DUSP16: variants seen among roughly 807,000 people sequenced by gnomAD.
DUSP16 encodes dual specificity phosphatase 16, also known as dual specificity protein phosphatase 16.
DUSP16 carries 21 observed loss-of-function variants against 58.3 expected under a neutral mutation model. The observed-to-expected ratio is 0.36, with a 90% CI of 0.26 to 0.52. The LOEUF (loss-of-function observed/expected upper bound fraction) is 0.52, where lower values mean the gene tolerates loss of function less well. Among genes scored for constraint, DUSP16 ranks in the 20% least tolerant of loss-of-function variants. The pLI is 0.94. For missense variants in DUSP16, 726 were observed against 819.0 expected, an observed-to-expected ratio of 0.89 and a Z score of 1.39; for synonymous variants, 320 against 323.8, an observed-to-expected ratio of 0.99 and a Z score of 0.12.
intron 1 of DUSP16, among the ~76,000 whole-genome samples, chr12:12,524,816 G>A (rs1944281123): frequency 6.6e-6 from 1 of 151,560 alleles, no homozygotes; most frequent in Non-Finnish European, 1.5e-5. Context: ...TTCAAAAAAA[G>A]TCTAAAAATG....
chr12:12,486,935 CT>C lies in DUSP16; in HGVS notation c.691+92del, dbSNP rs1416544106. 2.0e-6 allele frequency: 3 copies of C among 1,472,724 alleles called. No individual in the cohort carries two copies. In the African/African-American group the frequency reaches 4.2e-5, roughly 21 times the overall value. The allele number at this position is 1,472,724 out of a possible 1,614,324, so 91.2% of individuals were successfully genotyped here. A position where few individuals can be genotyped will look rare whatever the true frequency, so the allele number is the denominator to read the frequency against. On this transcript the variant is annotated intron_variant, in intron 5 of 6. Transcript: ENST00000298573. ...CTTTTGAAATCTCTGAAATAGGCTC[CT>C]TTTCTCTAAAGAAAAAATGGGGGGC...
At chr12:12,541,504 G>A (rs547854382) in intron 1 of DUSP16, among the ~76,000 whole-genome samples, 535 of 152,306 alleles carry the variant, frequency 3.5e-3, no homozygotes, top group Non-Finnish European at 5.1e-3. Context: ...TTATTGGAAG[G>A]CCCAGTAAGG....
At chr12:12,542,407 A>G (rs1189275190) in intron 1 of DUSP16, among the ~76,000 whole-genome samples, 3 of 146,634 alleles carry the variant, frequency 2.0e-5, no homozygotes, top group Non-Finnish European at 3.0e-5. Flanking sequence ...AAAAAAAAAA[A>G]AAGAAATACC....
intron 3 of DUSP16, among the ~76,000 whole-genome samples, chr12:12,506,816 G>T (rs2136219095): frequency 6.6e-6 from 1 of 152,340 alleles, no homozygotes. Context: ...CCATGTTTCT[G>T]TTAGTCTTCC....
intron 5 of DUSP16, chr12:12,485,335 T>G (rs773345853): frequency 6.6e-6 from 1 of 152,164 alleles, no homozygotes; most frequent in Non-Finnish European, 1.5e-5. Flanking sequence ...TAATATGAAC[T>G]AAGTCATTTA....
intron 1 of DUSP16, among the ~76,000 whole-genome samples, chr12:12,546,387 T>C (rs75160736): frequency 0.014 from 2,070 of 152,342 alleles, 49 homozygotes; most frequent in African/African-American, 0.047. Flanking sequence ...CTACCAAATA[T>C]ATTTCAATCC....
At chr12:12,545,579 G>C (rs918876848) in intron 1 of DUSP16, among the ~76,000 whole-genome samples, 1 of 151,954 alleles carries the variant, frequency 6.6e-6, no homozygotes, top group Non-Finnish European at 1.5e-5. Context: ...AACACGCCTG[G>C]CCACTACATT....
rs1299872983 is a variant in DUSP16 at position 12,562,783 on chromosome 12, G to A, written c.-1032C>T. Among the ~76,000 whole-genome samples the A allele has an allele frequency of 2.0e-5, 3 of 151,400 alleles. No individual in the cohort carries two copies. The highest frequency in any genetic ancestry group is 3.0e-5 in the Non-Finnish European group (2 of 67,740). ...GCTCGCCCATCCCGCGGCCGCCCGA[G>A]CCCGGAGCGCGGCTCCGCGCCTCGT... On this transcript the variant is annotated 5_prime_UTR_variant, in exon 1 of 7. Coordinates refer to ENST00000298573, the MANE Select transcript of DUSP16 (RefSeq NM_030640.3).
chr12:12,559,161 AT>A (rs1944856807), intron 1 of DUSP16, among the ~76,000 whole-genome samples: 1 of 152,188 alleles, frequency 6.6e-6, no homozygotes, highest in South Asian at 2.1e-4. Flanking sequence ...GAAAAAAAAA[AT>A]TGACATCTGG....
intron 3 of DUSP16, among the ~76,000 whole-genome samples, chr12:12,510,665 T>C (rs1012370220): frequency 4.6e-5 from 7 of 152,232 alleles, no homozygotes; most frequent in Non-Finnish European, 8.8e-5. Flanking sequence ...GAGCCTTCTC[T>C]GGAGTTGACA....
chr12:12,510,705 T>C (rs1441183148), intron 3 of DUSP16, among the ~76,000 whole-genome samples: 1 of 152,154 alleles, frequency 6.6e-6, no homozygotes, highest in African/African-American at 2.4e-5. Flanking sequence ...AACCAAATAA[T>C]TAGATGAATA....
In DUSP16 at chr12:12,485,644, G is replaced by A. The variant is rs577211772; in HGVS notation, c.691+1384C>T. 2.0e-4 allele frequency among the ~76,000 whole-genome samples: 31 copies of A among 152,118 alleles called. 1 individual carries two copies. The highest frequency in any genetic ancestry group is 4.2e-4 in the South Asian group (2 of 4,818). ...TCCCACCTCAGCCTCCCGAGTAGGC[G>A]GGACCACAGGTGCACTGGTAGAGAC... is the stretch of plus-strand genomic sequence containing the variant. On this transcript the variant is annotated intron_variant, in intron 5 of 6. Transcript: ENST00000298573.
In DUSP16 at chr12:12,475,625, G is replaced by A. The variant is rs1220491036; in HGVS notation, c.*1208C>T. On this transcript the variant is annotated 3_prime_UTR_variant, in exon 7 of 7. Coordinates refer to ENST00000298573, the MANE Select transcript of DUSP16 (RefSeq NM_030640.3). The stretch of plus-strand genomic sequence containing the variant: ...CCTACTAGTAAATGTGAAAGTCTGA[G>A]GCAATCATAGAAACATCAGCCCCAT... 6.6e-6 allele frequency: 1 copy of A among 152,164 alleles called. No homozygotes were observed. The highest frequency in any genetic ancestry group is 2.4e-5 in the African/African-American group (1 of 41,428). 9.4% of individuals were successfully genotyped at this position (152,164 alleles called of 1,614,324 possible).
Position 12,478,027 on chromosome 12 carries a change from G to A in DUSP16, c.816-12C>T, listed in dbSNP as rs1402706267. On this transcript the variant is annotated splice_polypyrimidine_tract_variant and intron_variant, in intron 6 of 6. Coordinates refer to ENST00000298573, the MANE Select transcript of DUSP16 (RefSeq NM_030640.3). ...TTTCTTTCACAAATCTGCAGAGAGA[G>A]GAAAAAACAAAAACCCGAATTTTAC... 4 of 1,545,564 alleles carry A rather than the reference G, an allele frequency of 2.6e-6. No homozygotes were observed. The highest frequency in any genetic ancestry group is 2.3e-5 in the East Asian group (1 of 43,864).
intron 1 of DUSP16, among the ~76,000 whole-genome samples, chr12:12,526,491 T>G (rs944314787): frequency 6.6e-6 from 1 of 152,210 alleles, no homozygotes; most frequent in Non-Finnish European, 1.5e-5. Context: ...AAGTCTATTT[T>G]TATGTTAAAG....
chr12:12,507,888 C>T (rs1035571419), intron 3 of DUSP16, among the ~76,000 whole-genome samples: 6 of 152,364 alleles, frequency 3.9e-5, no homozygotes, highest in African/African-American at 4.8e-5. Flanking sequence ...GGATTACAGG[C>T]GTGAGCCACC....
At chr12:12,500,283 C>G (rs1565996954) in intron 4 of DUSP16, among the ~76,000 whole-genome samples, 1 of 152,148 alleles carries the variant, frequency 6.6e-6, no homozygotes, top group Non-Finnish European at 1.5e-5. Context: ...TTTCAGTTCT[C>G]TTGGACCTAT....
chr12:12,501,118 C>T (rs768104504), intron 3 of DUSP16, among the ~76,000 whole-genome samples: 1 of 152,112 alleles, frequency 6.6e-6, no homozygotes, highest in Non-Finnish European at 1.5e-5. Flanking sequence ...TAAAATTGAT[C>T]GAGTCAAAAA....
chr12:12,539,808 T>C (rs890128063), intron 1 of DUSP16, among the ~76,000 whole-genome samples: 4 of 150,698 alleles, frequency 2.7e-5, no homozygotes, highest in Admixed American at 2.0e-4. Context: ...CCCAGCACTT[T>C]GGGAGGCCGA....
Sources: allele counts gnomAD v4.1 joint callset (sites outside exome capture counted in the v4.1 genomes callset), GRCh38; gene constraint gnomAD v4.1.1; transcripts MANE v1.5; gene names NCBI Gene and HGNC (gene_info 2026-07-23, HGNC 2026-07-21).